The following KRABD3 variants were observed in gnomAD, a reference collection of about 807,000 sequenced individuals.
The protein encoded by KRABD3 is KRAB domain-containing protein 3.
At chr7:149,716,391 T>C in the KRABD3 span, among the ~76,000 whole-genome samples, 1 of 152,130 alleles carries the variant, frequency 6.6e-6, no homozygotes, top group African/African-American at 2.4e-5. Context: ...GGAGGTGAAG[T>C]GGGGCCCGAG....
At chr7:149,726,776 A>C in the KRABD3 span, among the ~76,000 whole-genome samples, 1 of 151,892 alleles carries the variant, frequency 6.6e-6, no homozygotes, top group African/African-American at 2.4e-5. Context: ...GTGGAGTAGC[A>C]CCTGTAGTCT....
chr7:149,729,853 TG>T, the KRABD3 span: 1 of 985,436 alleles, frequency 1.0e-6, no homozygotes, highest in African/African-American at 1.7e-5. Flanking sequence ...AGAAGCCGCC[TG>T]GCCTGTGAGA....
the KRABD3 span, chr7:149,723,697 C>T: frequency 1.9e-6 from 3 of 1,596,844 alleles, no homozygotes; most frequent in African/African-American, 2.7e-5. Flanking sequence ...GCTGAGGACA[C>T]TGAGCTCCAG....
At chr7:149,716,274 G>A in the KRABD3 span, among the ~76,000 whole-genome samples, 1 of 152,240 alleles carries the variant, frequency 6.6e-6, no homozygotes, top group South Asian at 2.1e-4. Flanking sequence ...GTGACACGGT[G>A]GAAGGGTGAT....
At chr7:149,727,278 G>A in the KRABD3 span, among the ~76,000 whole-genome samples, 1 of 152,210 alleles carries the variant, frequency 6.6e-6, no homozygotes, top group Non-Finnish European at 1.5e-5. Flanking sequence ...CTCTGGCCAG[G>A]CCTGTGGGGC....
the KRABD3 span, among the ~76,000 whole-genome samples, chr7:149,721,192 G>A: frequency 2.0e-5 from 3 of 152,336 alleles, no homozygotes; most frequent in East Asian, 5.8e-4. Context: ...ACTTTCGCAT[G>A]GTGGTTTCTG....
the KRABD3 span, chr7:149,733,400 C>A: frequency 5.0e-6 from 8 of 1,608,400 alleles, no homozygotes; most frequent in Admixed American, 1.4e-4. Context: ...GAAGCTGGAT[C>A]GGCTCGCCAC....
chr7:149,719,623 G>A, the KRABD3 span: 3 of 1,609,028 alleles, frequency 1.9e-6, no homozygotes, highest in South Asian at 1.1e-5. The surrounding 1 kb of genome is among the most constrained non-coding windows in gnomAD (Gnocchi z 5.6). Flanking sequence ...GGCAGAGGGA[G>A]TTCTACCGAG....
At chr7:149,725,153 G>A in the KRABD3 span, among the ~76,000 whole-genome samples, 5 of 152,192 alleles carry the variant, frequency 3.3e-5, no homozygotes, top group South Asian at 2.1e-4. Flanking sequence ...GGCGAGAGCC[G>A]ATCAGTCTCC....
At chr7:149,729,607 T>C in the KRABD3 span, 1 of 985,432 alleles carries the variant, frequency 1.0e-6, no homozygotes, top group Non-Finnish European at 1.2e-6. Context: ...CCATTGGGTT[T>C]CTCCAGTGGA....
At chr7:149,723,159 T>G in the KRABD3 span, among the ~76,000 whole-genome samples, 2 of 152,228 alleles carry the variant, frequency 1.3e-5, no homozygotes, top group Non-Finnish European at 2.9e-5. Context: ...AAGCAGGCTT[T>G]GCCCTGGTTT....
chr7:149,715,783 T>A, the KRABD3 span, among the ~76,000 whole-genome samples: 1 of 151,992 alleles, frequency 6.6e-6, no homozygotes, highest in East Asian at 1.9e-4. Context: ...CCCCCAAGCA[T>A]TTGGGGAGAA....
At chr7:149,721,035 C>G in the KRABD3 span, 2 of 1,602,250 alleles carry the variant, frequency 1.2e-6, no homozygotes, top group Non-Finnish European at 1.7e-6. Flanking sequence ...CTCTGCACTC[C>G]GCATGATGAA....
chr7:149,728,158 G>A, the KRABD3 span, among the ~76,000 whole-genome samples: 1 of 152,404 alleles, frequency 6.6e-6, no homozygotes, highest in Admixed American at 6.5e-5. Context: ...CCTGCTGTGA[G>A]TGGTGAAGGA....
chr7:149,733,414 G>C, the KRABD3 span: 1 of 1,602,210 alleles, frequency 6.2e-7, no homozygotes, highest in Non-Finnish European at 8.5e-7. Flanking sequence ...TCGCCACAGC[G>C]CTGGCAGGCC....
chr7:149,734,188 C>A, the KRABD3 span: 2 of 1,205,238 alleles, frequency 1.7e-6, no homozygotes, highest in Non-Finnish European at 2.3e-6. Context: ...CCCTTTGTCC[C>A]AACTGGGTAG....
chr7:149,729,212 C>G, the KRABD3 span: 1 of 1,572,836 alleles, frequency 6.4e-7, no homozygotes, highest in Non-Finnish European at 8.6e-7. Context: ...GCCTGCGAGT[C>G]AGCCCGTCTC....
the KRABD3 span, chr7:149,733,464 G>A: frequency 1.1e-5 from 18 of 1,581,608 alleles, no homozygotes; most frequent in South Asian, 8.0e-5. Context: ...CAGGTGAATC[G>A]GCTGGGGAGG....
chr7:149,723,721 C>T, the KRABD3 span: 1 of 1,533,446 alleles, frequency 6.5e-7, no homozygotes, highest in South Asian at 1.1e-5. Flanking sequence ...AAAACATGTT[C>T]CTTTTTCCTT....
Sources: allele counts gnomAD v4.1 joint callset (sites outside exome capture counted in the v4.1 genomes callset), GRCh38; gene constraint gnomAD v4.1.1; non-coding constraint Gnocchi (gnomAD v3.1); transcripts MANE v1.5; gene names NCBI Gene and HGNC (gene_info 2026-07-23, HGNC 2026-07-21).